The following KCNH8 variants were observed in gnomAD, a reference collection of about 807,000 sequenced individuals.
KCNH8 encodes potassium voltage-gated channel subfamily H member 8, also known as voltage-gated delayed rectifier potassium channel KCNH8.
A neutral mutation model predicts 103.6 loss-of-function variants in KCNH8; 70 were observed. The observed-to-expected ratio is 0.68, with a 90% CI of 0.56 to 0.82. The LOEUF (loss-of-function observed/expected upper bound fraction) is 0.82, where lower values mean the gene tolerates loss of function less well. Ranked by LOEUF, KCNH8 falls within the 40% of genes least tolerant of loss-of-function variation. The pLI is 0.00. For synonymous variants in KCNH8, 498 were observed against 489.4 expected (o/e 1.02, Z -0.23); for missense variants, 1,217 against 1,329.9 (o/e 0.92, Z 1.32).
At chr3:19,390,733 G>C in intron 6 of KCNH8, 95 bp downstream of exon 6, 1 of 1,234,096 alleles carries the variant, frequency 8.1e-7, no homozygotes, top group South Asian at 1.5e-5. Flanking sequence ...TGCTTCCAGG[G>C]TTTTGTGCCT....
intron 4 of KCNH8, among the ~76,000 whole-genome samples, chr3:19,347,092 G>T (rs2125319706): frequency 6.6e-6 from 1 of 152,204 alleles, no homozygotes; most frequent in Non-Finnish European, 1.5e-5. Flanking sequence ...TCTGAATAAT[G>T]TCTGGCCCAT....
chr3:19,480,521 G>T (rs1367413848), intron 11 of KCNH8, among the ~76,000 whole-genome samples: 1 of 152,186 alleles, frequency 6.6e-6, no homozygotes, highest in Non-Finnish European at 1.5e-5. Flanking sequence ...AGGAATTTAA[G>T]AATTTAAGGC....
At chr3:19,349,072 G>T (rs927805170) in intron 5 of KCNH8, among the ~76,000 whole-genome samples, 4 of 151,910 alleles carry the variant, frequency 2.6e-5, no homozygotes, top group Admixed American at 2.6e-4. Context: ...TCAGAGCCTT[G>T]ATAGGACCTC....
rs34788122 is a variant in KCNH8, at chr3:19,357,472, AT to A, written c.811+9509del. Among the ~76,000 whole-genome samples, 28 of 140,630 alleles carry A rather than the reference AT, an allele frequency of 2.0e-4. No individual in the cohort carries two copies. The East Asian group carries it at 5.7e-3, about 29-fold the overall frequency. 92.3% of individuals were successfully genotyped at this position (140,630 alleles called of 152,430 possible). A position where few individuals can be genotyped will look rare whatever the true frequency, so the allele number is the denominator to read the frequency against. ...GTATTTTGTTACTAATCATCATATCATTCTAAAAATACAAAAAAAAAATCAC... is the reference window on the plus strand; with the variant it reads ...GTATTTTGTTACTAATCATCATATCATCTAAAAATACAAAAAAAAAATCAC... On this transcript the variant is annotated intron_variant, in intron 5 of 15. Coordinates refer to ENST00000328405, the MANE Select transcript of KCNH8 (RefSeq NM_144633.3).
intron 5 of KCNH8, among the ~76,000 whole-genome samples, chr3:19,367,432 T>G (rs2066028474): frequency 6.8e-6 from 1 of 146,390 alleles, no homozygotes; most frequent in Non-Finnish European, 1.5e-5. Flanking sequence ...AATATATATA[T>G]CATAATATAT....
intron 10 of KCNH8, among the ~76,000 whole-genome samples, chr3:19,453,987 A>G (rs1023600988): frequency 2.6e-5 from 4 of 152,030 alleles, no homozygotes; most frequent in Non-Finnish European, 4.4e-5. Flanking sequence ...TTGTCTTTCA[A>G]ATTTGTGACT....
In KCNH8 at chr3:19,510,361, AG is replaced by A; in HGVS notation, c.2041del. On this transcript the variant is annotated splice_acceptor_variant, in intron 11 of 15. Transcript: ENST00000328405. LOFTEE classifies it high-confidence loss of function. Reference sequence around the variant, plus strand: ...GATTAATACTTCTGTTTGTTCTTTCAGGTGATATCAAGACTATCAAACAAAT... The same window carrying A: ...GATTAATACTTCTGTTTGTTCTTTCAGTGATATCAAGACTATCAAACAAAT... 2 of 1,566,622 alleles carry A rather than the reference AG, an allele frequency of 1.3e-6. No homozygotes were observed. Among genetic ancestry groups the A allele is most frequent in the Non-Finnish European group, 1.8e-6 (2 of 1,136,852 alleles).
At chr3:19,245,519 A>G (rs1403276054) in intron 1 of KCNH8, among the ~76,000 whole-genome samples, 3 of 152,214 alleles carry the variant, frequency 2.0e-5, no homozygotes, top group Non-Finnish European at 4.4e-5. Flanking sequence ...TTTCATCAGA[A>G]TAGTGTTGAA....
chr3:19,331,542 C>G (rs1036049667), intron 3 of KCNH8, among the ~76,000 whole-genome samples: 5 of 152,020 alleles, frequency 3.3e-5, no homozygotes, highest in South Asian at 4.1e-4. Flanking sequence ...CTGCCCGCCT[C>G]GGCCTCCCAA....
At chr3:19,503,461 A>C (rs943758465) in intron 11 of KCNH8, among the ~76,000 whole-genome samples, 2 of 152,186 alleles carry the variant, frequency 1.3e-5, no homozygotes, top group African/African-American at 4.8e-5. Context: ...TCATGCTGCT[A>C]TAAAGACACA....
chr3:19,393,517 C>T (rs2066469865), intron 6 of KCNH8, among the ~76,000 whole-genome samples: 1 of 151,992 alleles, frequency 6.6e-6, no homozygotes, highest in Non-Finnish European at 1.5e-5. Context: ...TGCAGATGCC[C>T]TCCTCCATTT....
intron 7 of KCNH8, among the ~76,000 whole-genome samples, chr3:19,416,838 C>T (rs1357570872): frequency 1.3e-5 from 2 of 152,122 alleles, no homozygotes; most frequent in African/African-American, 2.4e-5. Flanking sequence ...AAAGAGACTA[C>T]TTTTTAAAGC....
intron 4 of KCNH8, 134 bp from the exon 5 acceptor site, chr3:19,347,590 CT>C: frequency 9.5e-7 from 1 of 1,056,538 alleles, no homozygotes; most frequent in South Asian, 1.6e-5. Context: ...GCGTCACCAA[CT>C]TTTAAAAGTC....
At chr3:19,170,969 G>T (rs550521689) in intron 1 of KCNH8, among the ~76,000 whole-genome samples, 39 of 151,584 alleles carry the variant, frequency 2.6e-4, no homozygotes, top group Non-Finnish European at 5.5e-4. Context: ...CCGCCACTGC[G>T]CCCGGCTAAT....
chr3:19,175,220 ATTT>A (rs200814505), intron 1 of KCNH8, among the ~76,000 whole-genome samples: 2 of 137,672 alleles, frequency 1.5e-5, no homozygotes, highest in Non-Finnish European at 1.6e-5. Context: ...CTGTTTTGTA[ATTT>A]TTTTTTTTTT....
intron 3 of KCNH8, among the ~76,000 whole-genome samples, chr3:19,284,974 CAA>C (rs2064811745): frequency 6.6e-6 from 1 of 151,384 alleles, no homozygotes; most frequent in South Asian, 2.1e-4. Context: ...CCAGGGTAGG[CAA>C]AGTCTTTTTT....
chr3:19,391,615 C>T (rs1321717593), intron 6 of KCNH8: 1 of 151,984 alleles, frequency 6.6e-6, no homozygotes, highest in Admixed American at 6.6e-5. Flanking sequence ...AATTGTGATC[C>T]TGACTTGTTA....
At chr3:19,167,160 A>G (rs545999208) in intron 1 of KCNH8, among the ~76,000 whole-genome samples, 2 of 152,272 alleles carry the variant, frequency 1.3e-5, no homozygotes, top group South Asian at 2.1e-4. Flanking sequence ...TATTTGGTTT[A>G]TAGTCATTAG....
intron 4 of KCNH8, chr3:19,346,841 A>C: frequency 2.8e-6 from 1 of 358,062 alleles, no homozygotes; most frequent in Non-Finnish European, 5.6e-6. Flanking sequence ...GGTCAAAGCC[A>C]GGTCTGCAAG....
Sources: gnomAD v4.1 joint callset for allele counts (sites outside exome capture counted in the v4.1 genomes callset) on GRCh38, gnomAD v4.1.1 for gene constraint, MANE v1.5 for transcripts, NCBI Gene and HGNC (gene_info 2026-07-23, HGNC 2026-07-21) for gene names.